The following COX10 variants were observed in gnomAD, a reference collection of about 807,000 sequenced individuals.
COX10 encodes the protein protoheme IX farnesyltransferase, mitochondrial.
Under a neutral mutation model 37.3 loss-of-function variants are expected in COX10, and 27 were observed. The ratio of observed to expected loss-of-function variants is 0.72; its 90% CI spans 0.53 to 1.00. COX10 has a LOEUF of 1.00. COX10 is among the 50% of genes least tolerant of loss of function. COX10 has a pLI of 0.00. For missense variants in COX10, 475 were observed against 563.2 expected (o/e 0.84, Z 1.59); for synonymous variants, 222 against 229.1 (o/e 0.97, Z 0.28).
At chr17:14,086,893 C>T (rs895511036) in intron 3 of COX10, among the ~76,000 whole-genome samples, 1 of 152,020 alleles carries the variant, frequency 6.6e-6, no homozygotes. Context: ...TATAATTTTC[C>T]GCTTCATTCT....
At chr17:14,075,275 T>C (rs1306585723) in intron 2 of COX10, among the ~76,000 whole-genome samples, 4 of 152,178 alleles carry the variant, frequency 2.6e-5, no homozygotes, top group African/African-American at 9.7e-5. Flanking sequence ...GAGGAGAAAT[T>C]CAAATATGTG....
intron 6 of COX10, among the ~76,000 whole-genome samples, chr17:14,203,848 C>T (rs1415012594): frequency 6.6e-6 from 1 of 152,202 alleles, no homozygotes; most frequent in Non-Finnish European, 1.5e-5. Context: ...TGAAATAGGA[C>T]TGTGGTTACA....
intron 4 of COX10, among the ~76,000 whole-genome samples, chr17:14,137,172 A>T (rs1481921885): frequency 6.6e-6 from 1 of 151,868 alleles, no homozygotes; most frequent in Non-Finnish European, 1.5e-5. Flanking sequence ...TATAATTTAA[A>T]ATTCTTAAAA....
rs958344993 is a variant in COX10, at chr17:14,164,062, A to G, written c.695+4115A>G. On this transcript the variant is annotated intron_variant, in intron 5 of 6. Transcript: ENST00000261643. ...TATTAGCATTGTGCGTGTATGTAAA[A>G]ACACCGACAGTTCCTCAACAAATGA... Among the ~76,000 whole-genome samples the G allele has an allele frequency of 3.4e-4, 52 of 152,128 alleles. 1 individual carries two copies. Among genetic ancestry groups the G allele is most frequent in the Middle Eastern group, 3.4e-3 (1 of 294 alleles).
Position 14,149,106 on chromosome 17 carries a change from T to C in COX10, c.625-10771T>C, listed in dbSNP as rs147171471. 2.0e-3 allele frequency among the ~76,000 whole-genome samples: 299 copies of C among 151,346 alleles called. 8 individuals carry two copies. The East Asian group carries it at 0.043, about 22-fold the overall frequency. Reference sequence around the variant, plus strand: ...CGTTATAATAGGTGTCTAATAGATATTTATCCATTGGTATAATCATGCCCT... The same window carrying C: ...CGTTATAATAGGTGTCTAATAGATACTTATCCATTGGTATAATCATGCCCT... On this transcript the variant is annotated intron_variant, in intron 4 of 6. Coordinates refer to ENST00000261643, the MANE Select transcript of COX10 (RefSeq NM_001303.4).
intron 3 of COX10, among the ~76,000 whole-genome samples, chr17:14,086,501 G>A (rs1338856354): frequency 6.6e-6 from 1 of 152,068 alleles, no homozygotes; most frequent in African/African-American, 2.4e-5. Flanking sequence ...GATGAATTGA[G>A]AACTTTACTG....
chr17:14,160,885 G>A (rs898608462), intron 5 of COX10, among the ~76,000 whole-genome samples: 9 of 152,194 alleles, frequency 5.9e-5, no homozygotes, highest in African/African-American at 2.2e-4. Flanking sequence ...TATATGGTGT[G>A]TTTGAGGTTT....
chr17:14,146,154 G>A (rs11657441), intron 4 of COX10, among the ~76,000 whole-genome samples: 61,180 of 151,810 alleles, frequency 0.4, 12,686 homozygotes, highest in African/African-American at 0.51. Context: ...ACCCAGGATA[G>A]CCAAAGATGT....
chr17:14,146,246 A>G (rs1904714037), intron 4 of COX10, among the ~76,000 whole-genome samples: 1 of 152,148 alleles, frequency 6.6e-6, no homozygotes, highest in South Asian at 2.1e-4. Context: ...ATACAAAGCT[A>G]TAGTATAGAG....
At chr17:14,104,260 T>C (rs145698791) in intron 4 of COX10, among the ~76,000 whole-genome samples, 6 of 152,188 alleles carry the variant, frequency 3.9e-5, no homozygotes, top group African/African-American at 7.2e-5. Context: ...CCTAGTGTTA[T>C]CATTATGGTA....
intron 3 of COX10, among the ~76,000 whole-genome samples, chr17:14,085,978 G>A (rs1915400947): frequency 6.6e-6 from 1 of 152,114 alleles, no homozygotes; most frequent in Admixed American, 6.6e-5. Context: ...TACGCTGAGT[G>A]GTGATTTGTA....
chr17:14,074,572 T>A (rs1567585100), intron 2 of COX10, 116 bp downstream of exon 2: 1 of 980,432 alleles, frequency 1.0e-6, no homozygotes, highest in Non-Finnish European at 1.6e-6. Context: ...AAAGAACTTT[T>A]ATTTAGTGTC....
chr17:14,207,331 T>G lies in COX10; in HGVS notation c.*118T>G. 7 of 1,274,136 alleles carry G rather than the reference T, an allele frequency of 5.5e-6. No individual in the cohort carries two copies. The highest frequency in any genetic ancestry group is 6.3e-6 in the Non-Finnish European group (6 of 959,864). The allele number at this position is 1,274,136 out of a possible 1,614,324, so 78.9% of individuals were successfully genotyped here. ...AGAACAAGATTATAAACGAATTCGG[T>G]GCTCAGTGATCACTTGACAGTTTTT... On this transcript the variant is annotated 3_prime_UTR_variant, in exon 7 of 7. Transcript: ENST00000261643.
chr17:14,199,695 T>G (rs1214917390), intron 6 of COX10, among the ~76,000 whole-genome samples: 1 of 152,188 alleles, frequency 6.6e-6, no homozygotes, highest in Non-Finnish European at 1.5e-5. Context: ...TCAGGGGACT[T>G]TTAATCTTCC....
intron 4 of COX10, among the ~76,000 whole-genome samples, chr17:14,112,671 C>T (rs1017339589): frequency 9.2e-5 from 14 of 152,070 alleles, no homozygotes; most frequent in Non-Finnish European, 1.8e-4. Flanking sequence ...GTGAAGGTCA[C>T]GAAAGCTTCT....
intron 1 of COX10, among the ~76,000 whole-genome samples, chr17:14,070,165 T>C (rs546749180): frequency 1.3e-5 from 2 of 152,236 alleles, no homozygotes; most frequent in African/African-American, 2.4e-5. Context: ...TTTAATATCC[T>C]TTCACTCGAA....
intron 4 of COX10, among the ~76,000 whole-genome samples, chr17:14,102,789 C>T (rs1915813668): frequency 6.6e-6 from 1 of 151,996 alleles, no homozygotes. Flanking sequence ...AAATAATTCT[C>T]CCAAATAATT....
chr17:14,139,078 A>G (rs558842346), intron 4 of COX10, among the ~76,000 whole-genome samples: 2 of 152,330 alleles, frequency 1.3e-5, no homozygotes, highest in South Asian at 2.1e-4. Context: ...ATTACATGAA[A>G]TAATACACAA....
chr17:14,193,926 C>G lies in COX10; in HGVS notation c.928+1705C>G, dbSNP rs2142264458. Among the ~76,000 whole-genome samples, 3 of 152,130 alleles carry G rather than the reference C, an allele frequency of 2.0e-5. No homozygotes were observed. In the Middle Eastern group the frequency reaches 0.01, roughly 517 times the overall value. ...GTGCATGGGGAGTATCCCCCTTCCT[C>G]AAGGGTGTAGCCCCACTTCAGCACT... On this transcript the variant is annotated intron_variant, in intron 6 of 6. Coordinates refer to ENST00000261643, the MANE Select transcript of COX10 (RefSeq NM_001303.4).
Sources: gnomAD v4.1 joint callset for allele counts (sites outside exome capture counted in the v4.1 genomes callset) on GRCh38, gnomAD v4.1.1 for gene constraint, MANE v1.5 for transcripts, NCBI Gene and HGNC (gene_info 2026-07-23, HGNC 2026-07-21) for gene names.